SLC4A10: variants seen among roughly 807,000 people sequenced by gnomAD.
The protein encoded by SLC4A10 is solute carrier family 4 member 10.
SLC4A10 carries 42 observed loss-of-function variants against 137.7 expected under a neutral mutation model. That is an observed-to-expected ratio of 0.30 (90% CI 0.24 to 0.39). The LOEUF (loss-of-function observed/expected upper bound fraction) is 0.39, where lower values mean the gene tolerates loss of function less well. Among genes scored for constraint, SLC4A10 ranks in the 10% least tolerant of loss-of-function variants. The pLI is 1.00. For missense variants in SLC4A10, 925 were observed against 1,355.0 expected (o/e 0.68, Z 4.98); for synonymous variants, 474 against 464.1 (o/e 1.02, Z -0.27).
chr2:161,668,951 T>G (rs2039391987), intron 1 of SLC4A10, among the ~76,000 whole-genome samples: 1 of 151,970 alleles, frequency 6.6e-6, no homozygotes, highest in South Asian at 2.1e-4. Context: ...TGTGTCATGC[T>G]ATCAAGTTCT....
intron 3 of SLC4A10, among the ~76,000 whole-genome samples, chr2:161,811,465 A>G (rs1470283243): frequency 6.6e-6 from 1 of 152,038 alleles, no homozygotes; most frequent in Non-Finnish European, 1.5e-5. Context: ...CTCCACAAGC[A>G]GATATACTCT....
intron 1 of SLC4A10, among the ~76,000 whole-genome samples, chr2:161,697,201 T>A (rs190352200): frequency 2.0e-3 from 310 of 152,314 alleles, no homozygotes; most frequent in African/African-American, 7.2e-3. Context: ...AGATTCTGGA[T>A]ATTAGCCTTT....
At chr2:161,672,111 G>C (rs527614446) in intron 1 of SLC4A10, among the ~76,000 whole-genome samples, 1 of 152,190 alleles carries the variant, frequency 6.6e-6, no homozygotes, top group South Asian at 2.1e-4. Context: ...ACCAAGAAGC[G>C]CAGTTGGGTG....
chr2:161,685,846 A>G (rs2041343159), intron 1 of SLC4A10, among the ~76,000 whole-genome samples: 1 of 152,166 alleles, frequency 6.6e-6, no homozygotes, highest in South Asian at 2.1e-4. Flanking sequence ...ACATTTACAC[A>G]AAATTTATTA....
intron 1 of SLC4A10, among the ~76,000 whole-genome samples, chr2:161,654,437 T>C (rs765024895): frequency 3.3e-5 from 5 of 152,210 alleles, no homozygotes; most frequent in Non-Finnish European, 7.4e-5. Context: ...CTTTTGTTAT[T>C]ATAGTCGTGA....
intron 15 of SLC4A10, among the ~76,000 whole-genome samples, chr2:161,934,162 AC>A (rs1691140242): frequency 6.6e-6 from 1 of 152,166 alleles, no homozygotes; most frequent in Non-Finnish European, 1.5e-5. Flanking sequence ...TCTGTTACAA[AC>A]AATCCAATTT....
intron 1 of SLC4A10, among the ~76,000 whole-genome samples, chr2:161,641,204 G>C (rs1432231543): frequency 1.3e-5 from 2 of 152,066 alleles, no homozygotes; most frequent in East Asian, 1.9e-4. Context: ...TGATAGGCTA[G>C]ACAGAGACAC....
In SLC4A10 at chr2:161,879,418, T is replaced by A. The variant is rs2061626171; in HGVS notation, c.1106+130T>A. On this transcript the variant is annotated intron_variant, in intron 9 of 26. Coordinates refer to ENST00000446997, the MANE Select transcript of SLC4A10 (RefSeq NM_001178015.2). ...AATGTGAAATCCACAAAACTACTAT[T>A]AATTTTTGTTTGTGGAGGAGGGGAA... 2.4e-5 allele frequency: 23 copies of A among 965,906 alleles called. No homozygotes were observed. The South Asian group carries it at 4.6e-4, about 19-fold the overall frequency. The allele number at this position is 965,906 out of a possible 1,614,324, so 59.8% of individuals were successfully genotyped here. A position where few individuals can be genotyped will look rare whatever the true frequency, so the allele number is the denominator to read the frequency against.
intron 6 of SLC4A10, among the ~76,000 whole-genome samples, chr2:161,872,070 C>G (rs1039402993): frequency 6.6e-6 from 1 of 151,982 alleles, no homozygotes; most frequent in Non-Finnish European, 1.5e-5. Context: ...GAGTTTTTAT[C>G]TGAAAATATG....
intron 3 of SLC4A10, among the ~76,000 whole-genome samples, chr2:161,826,484 G>A (rs774234772): frequency 8.5e-5 from 13 of 152,146 alleles, no homozygotes; most frequent in Non-Finnish European, 1.5e-4. Flanking sequence ...CAACATATTT[G>A]TAAAATATTG....
chr2:161,669,072 GA>G (rs2039408706), intron 1 of SLC4A10, among the ~76,000 whole-genome samples: 1 of 151,830 alleles, frequency 6.6e-6, no homozygotes. Context: ...CAGTATTTGT[GA>G]TAAATTAGCT....
At chr2:161,900,223 T>A (rs1324101933) in intron 11 of SLC4A10, among the ~76,000 whole-genome samples, 1 of 152,122 alleles carries the variant, frequency 6.6e-6, no homozygotes, top group African/African-American at 2.4e-5. Flanking sequence ...AATACTTACC[T>A]GAATCTCTAC....
intron 17 of SLC4A10, among the ~76,000 whole-genome samples, chr2:161,948,035 C>T (rs559008438): frequency 1.3e-5 from 2 of 152,234 alleles, no homozygotes; most frequent in East Asian, 3.9e-4. Flanking sequence ...GGGAACTATT[C>T]CAGCCTGACA....
chr2:161,791,974 C>G (rs959308343), intron 2 of SLC4A10, among the ~76,000 whole-genome samples: 1 of 152,020 alleles, frequency 6.6e-6, no homozygotes, highest in African/African-American at 2.4e-5. Context: ...AAAAGTATAG[C>G]TTCATAATTT....
Position 161,659,742 on chromosome 2 carries a change from G to GA in SLC4A10, c.48+35181dup, listed in dbSNP as rs530294422. Among the ~76,000 whole-genome samples the GA allele has an allele frequency of 1.8e-4, 28 of 152,174 alleles. No homozygotes were observed. The East Asian group carries it at 4.8e-3, about 26-fold the overall frequency. On this transcript the variant is annotated intron_variant, in intron 1 of 26. Coordinates refer to ENST00000446997, the MANE Select transcript of SLC4A10 (RefSeq NM_001178015.2). Reference sequence around the variant, plus strand: ...AGAACATTTATAATAGACAAAAAGTGAAAAATCTCAAATGCCCATCAACTG... The same window carrying GA: ...AGAACATTTATAATAGACAAAAAGTGAAAAAATCTCAAATGCCCATCAACTG...
chr2:161,714,505 A>T (rs1239101660), intron 1 of SLC4A10, among the ~76,000 whole-genome samples: 2 of 151,924 alleles, frequency 1.3e-5, no homozygotes, highest in African/African-American at 2.4e-5. Flanking sequence ...TCCTCCATGA[A>T]ACTACTCTTT....
intron 15 of SLC4A10, among the ~76,000 whole-genome samples, chr2:161,940,869 T>G (rs969919961): frequency 6.6e-6 from 1 of 152,036 alleles, no homozygotes; most frequent in African/African-American, 2.4e-5. Flanking sequence ...TTTGGGAGGC[T>G]GAGGTGGGAG....
intron 1 of SLC4A10, among the ~76,000 whole-genome samples, chr2:161,755,355 C>T (rs57545485): frequency 2.4e-3 from 364 of 152,190 alleles, no homozygotes; most frequent in African/African-American, 7.9e-3. Flanking sequence ...CTACAGAAGA[C>T]GGAGGAATCT....
intron 3 of SLC4A10, among the ~76,000 whole-genome samples, chr2:161,829,151 C>G (rs1470150250): frequency 1.3e-5 from 2 of 151,986 alleles, no homozygotes; most frequent in African/African-American, 4.8e-5. Flanking sequence ...TGTTTTTACA[C>G]CTCTTTACCC....
Sources: allele counts gnomAD v4.1 joint callset (sites outside exome capture counted in the v4.1 genomes callset), GRCh38; gene constraint gnomAD v4.1.1; transcripts MANE v1.5; gene names NCBI Gene and HGNC (gene_info 2026-07-23, HGNC 2026-07-21).